The following PRKG1 variants were observed in gnomAD, a reference collection of about 807,000 sequenced individuals.
PRKG1 encodes protein kinase cGMP-dependent 1.
Under a neutral mutation model 88.1 loss-of-function variants are expected in PRKG1, and 35 were observed. That is an observed-to-expected ratio of 0.40 (90% CI 0.30 to 0.53). The LOEUF (loss-of-function observed/expected upper bound fraction) is 0.53, where lower values mean the gene tolerates loss of function less well. Ranked by LOEUF, PRKG1 falls within the 20% of genes least tolerant of loss-of-function variation. The pLI is 0.59. For synonymous variants in PRKG1, 303 were observed against 292.5 expected (o/e 1.04, Z -0.37); for missense variants, 540 against 839.8 (o/e 0.64, Z 4.41).
chr10:51,307,046 T>G (rs1296617248), intron 2 of PRKG1, among the ~76,000 whole-genome samples: 3 of 152,140 alleles, frequency 2.0e-5, no homozygotes, highest in Non-Finnish European at 4.4e-5. Context: ...GAGTATCAGT[T>G]GCCCCCTTCC....
chr10:51,937,975 T>C (rs1375224307), intron 5 of PRKG1, among the ~76,000 whole-genome samples: 1 of 152,070 alleles, frequency 6.6e-6, no homozygotes, highest in East Asian at 1.9e-4. Flanking sequence ...ATACGCTATC[T>C]GCCTGTTAGT....
chr10:51,102,457 A>C (rs763667347), intron 1 of PRKG1, among the ~76,000 whole-genome samples: 2 of 152,168 alleles, frequency 1.3e-5, no homozygotes, highest in African/African-American at 2.4e-5. Flanking sequence ...AACAGGCAGA[A>C]TTAAAGGCAG....
At chr10:51,772,194 C>T (rs1838321447) in intron 3 of PRKG1, among the ~76,000 whole-genome samples, 1 of 151,980 alleles carries the variant, frequency 6.6e-6, no homozygotes, top group East Asian at 1.9e-4. Context: ...CTCAAGCTTT[C>T]TAGAAGGCAA....
At chr10:51,419,165 A>G (rs1267267386) in intron 2 of PRKG1, among the ~76,000 whole-genome samples, 1 of 152,154 alleles carries the variant, frequency 6.6e-6, no homozygotes, top group Non-Finnish European at 1.5e-5. Context: ...TCTATCCTTT[A>G]AATGTGTTCA....
At chr10:51,124,511 C>T (rs563361333) in intron 1 of PRKG1, among the ~76,000 whole-genome samples, 13 of 151,944 alleles carry the variant, frequency 8.6e-5, no homozygotes, top group Non-Finnish European at 1.5e-4. Context: ...GACTTGATAG[C>T]GTGGGAGGGA....
chr10:51,879,906 C>A (rs1011890310), intron 4 of PRKG1, among the ~76,000 whole-genome samples: 2 of 152,200 alleles, frequency 1.3e-5, no homozygotes, highest in East Asian at 3.9e-4. Context: ...CTATGGCAAG[C>A]AAGGAAATTG....
chr10:51,285,504 G>A (rs1915678), intron 2 of PRKG1, among the ~76,000 whole-genome samples: 36,994 of 151,932 alleles, frequency 0.24, 6,800 homozygotes, highest in African/African-American at 0.52. Context: ...AGAAGATATC[G>A]CCCACAGGCA....
At chr10:51,230,099 A>G (rs1459929752) in intron 2 of PRKG1, among the ~76,000 whole-genome samples, 2 of 152,190 alleles carry the variant, frequency 1.3e-5, no homozygotes, top group African/African-American at 4.8e-5. Flanking sequence ...AATAAAAACT[A>G]GAAACTAAAT....
intron 4 of PRKG1, among the ~76,000 whole-genome samples, chr10:51,808,875 T>C (rs577771371): frequency 7.2e-5 from 11 of 152,242 alleles, no homozygotes; most frequent in African/African-American, 2.4e-4. Context: ...TTCTTTTCGG[T>C]AGGGGTCTCT....
chr10:52,290,206 C>A lies in PRKG1; in HGVS notation c.1896-18C>A. 1 of 1,609,222 alleles carries A rather than the reference C, an allele frequency of 6.2e-7. No homozygotes were observed. Among genetic ancestry groups the A allele is most frequent in the Non-Finnish European group, 8.5e-7 (1 of 1,177,062 alleles). Reference sequence around the variant, plus strand: ...AGCTGACACAAAATGTTTTTATCAACGTTTTTTCCTTTTCTAGATGGTTTG... The same window carrying A: ...AGCTGACACAAAATGTTTTTATCAAAGTTTTTTCCTTTTCTAGATGGTTTG... On this transcript the variant is annotated intron_variant, in intron 16 of 17. Coordinates refer to ENST00000373980, the MANE Select transcript of PRKG1 (RefSeq NM_006258.4).
At chr10:51,337,001 C>T (rs776528988) in intron 2 of PRKG1, among the ~76,000 whole-genome samples, 5 of 152,156 alleles carry the variant, frequency 3.3e-5, no homozygotes, top group Admixed American at 6.5e-5. Flanking sequence ...TACTACTGGA[C>T]TTCAAACCAT....
At chr10:51,133,204 A>G (rs1397221519) in intron 1 of PRKG1, among the ~76,000 whole-genome samples, 3 of 152,168 alleles carry the variant, frequency 2.0e-5, no homozygotes, top group Non-Finnish European at 4.4e-5. Flanking sequence ...GGCAAAACCA[A>G]CATCCTATAC....
intron 1 of PRKG1, among the ~76,000 whole-genome samples, chr10:51,000,045 C>A (rs1461387191): frequency 6.6e-6 from 1 of 152,318 alleles, no homozygotes; most frequent in East Asian, 1.9e-4. Flanking sequence ...GTTCACACTC[C>A]ATTTGGTCTC....
intron 3 of PRKG1, among the ~76,000 whole-genome samples, chr10:51,632,700 A>G (rs907061331): frequency 1.3e-5 from 2 of 152,190 alleles, no homozygotes; most frequent in Non-Finnish European, 2.9e-5. Context: ...TTATGCTTGT[A>G]GCTAAAAATA....
At chr10:52,093,569 G>A (rs1028751241) in intron 7 of PRKG1, among the ~76,000 whole-genome samples, 2 of 152,128 alleles carry the variant, frequency 1.3e-5, no homozygotes, top group Non-Finnish European at 2.9e-5. Context: ...CTTTAAAATT[G>A]CCTCTAATAA....
At chr10:52,194,002 T>C (rs1319727841) in intron 9 of PRKG1, among the ~76,000 whole-genome samples, 1 of 152,198 alleles carries the variant, frequency 6.6e-6, no homozygotes, top group Non-Finnish European at 1.5e-5. Context: ...TTTTGTCTCT[T>C]ATATTTGGTA....
In PRKG1 at chr10:52,024,729, T is replaced by A. The variant is rs377128109; in HGVS notation, c.763-29755T>A. 9.9e-5 allele frequency among the ~76,000 whole-genome samples: 15 copies of A among 152,214 alleles called. No individual in the cohort carries two copies. In the East Asian group the frequency reaches 1.3e-3, roughly 14 times the overall value. On this transcript the variant is annotated intron_variant, in intron 5 of 17. Transcript: ENST00000373980. ...CACATTTTCTTAGTCCAGTCTATCATTGATGGACATTTGGGTTGGTTCCAA... is the reference window on the plus strand; with the variant it reads ...CACATTTTCTTAGTCCAGTCTATCAATGATGGACATTTGGGTTGGTTCCAA...
At chr10:51,280,459 G>A (rs1589309456) in intron 2 of PRKG1, among the ~76,000 whole-genome samples, 1 of 152,340 alleles carries the variant, frequency 6.6e-6, no homozygotes, top group East Asian at 1.9e-4. Flanking sequence ...ATATCCTGCA[G>A]ACTGTTTTCC....
rs1842359831 is a variant in PRKG1 at position 52,295,413 on chromosome 10, G to A, written c.*1513G>A. The A allele has an allele frequency of 6.6e-6, 1 of 152,092 alleles. No homozygotes were observed. Among genetic ancestry groups the A allele is most frequent in the South Asian group, 2.1e-4 (1 of 4,828 alleles). 9.4% of individuals were successfully genotyped at this position (152,092 alleles called of 1,614,324 possible). The stretch of plus-strand genomic sequence containing the variant: ...CCTAAAAAAGACTAGATTTGAAAAT[G>A]TCAAGCTGATTTACTTTATTCACAT... On this transcript the variant is annotated 3_prime_UTR_variant, in exon 18 of 18. Transcript: ENST00000373980.
Sources: gnomAD v4.1 joint callset for allele counts (sites outside exome capture counted in the v4.1 genomes callset) on GRCh38, gnomAD v4.1.1 for gene constraint, MANE v1.5 for transcripts, NCBI Gene and HGNC (gene_info 2026-07-23, HGNC 2026-07-21) for gene names.